The following DLEU7 variants were observed in gnomAD, a reference collection of about 807,000 sequenced individuals.
DLEU7 encodes the protein deleted in lymphocytic leukemia 7.
In DLEU7, 17 loss-of-function variants were observed where a neutral mutation model predicts 16.0. The ratio of observed to expected loss-of-function variants is 1.06; its 90% CI spans 0.73 to 1.59. The LOEUF is 1.59. DLEU7 is among the 40% of genes most tolerant of loss of function. The pLI, the probability that DLEU7 is intolerant of heterozygous loss-of-function variation, is 0.00. For missense variants in DLEU7, 308 were observed against 314.9 expected, an observed-to-expected ratio of 0.98 and a Z score of 0.17; for synonymous variants, 113 against 139.8, an observed-to-expected ratio of 0.81 and a Z score of 1.35.
intron 1 of DLEU7, among the ~76,000 whole-genome samples, chr13:50,717,680 C>CTAA (rs1873478790): frequency 6.6e-6 from 1 of 151,830 alleles, no homozygotes; most frequent in Non-Finnish European, 1.5e-5. Flanking sequence ...ACACCTAGCC[C>CTAA]TAATGCCAAG....
chr13:50,820,052 G>C (rs934800929), downstream of DLEU7, among the ~76,000 whole-genome samples: 1 of 152,108 alleles, frequency 6.6e-6, no homozygotes, highest in Non-Finnish European at 1.5e-5. Context: ...AAACAAATAA[G>C]AAAGTGACTC....
chr13:50,752,312 A>G (rs540059156), intron 1 of DLEU7, among the ~76,000 whole-genome samples: 2 of 151,986 alleles, frequency 1.3e-5, no homozygotes, highest in East Asian at 1.9e-4. Context: ...CGGCCTCCCA[A>G]AGTGCTGGGA....
intron 1 of DLEU7, among the ~76,000 whole-genome samples, chr13:50,746,327 C>T (rs1874393949): frequency 6.6e-6 from 1 of 151,984 alleles, no homozygotes; most frequent in East Asian, 1.9e-4. Flanking sequence ...TCAAGAAATG[C>T]TAAAAAATAA....
Position 50,715,263 on chromosome 13 carries a change from C to T in DLEU7, c.460-2023G>A, listed in dbSNP as rs2137700608. 2.6e-5 allele frequency among the ~76,000 whole-genome samples: 4 copies of T among 152,330 alleles called. No homozygotes were observed. In the Middle Eastern group the frequency reaches 0.014, roughly 518 times the overall value. On this transcript the variant is annotated intron_variant, in intron 1 of 1. Transcript: ENST00000400393. The stretch of plus-strand genomic sequence containing the variant: ...GGATCATGTAATTATTTTGAGCCTA[C>T]CCGATAATCCAGGATAATCCCCTCA...
chr13:50,802,251 C>T (rs912181273), intron 1 of DLEU7, among the ~76,000 whole-genome samples: 3 of 151,556 alleles, frequency 2.0e-5, no homozygotes, highest in Admixed American at 1.3e-4. Flanking sequence ...TCAATAGAAA[C>T]CCAACTGATG....
intron 1 of DLEU7, among the ~76,000 whole-genome samples, chr13:50,717,954 C>G (rs983289008): frequency 1.3e-5 from 2 of 152,158 alleles, no homozygotes; most frequent in African/African-American, 4.8e-5. Flanking sequence ...ATTGACATAG[C>G]TATGGGAAAA....
At chr13:50,715,065 C>G (rs1873401818) in intron 1 of DLEU7, among the ~76,000 whole-genome samples, 2 of 152,102 alleles carry the variant, frequency 1.3e-5, no homozygotes, top group African/African-American at 4.8e-5. Flanking sequence ...ACTGAGGTCC[C>G]TGCTTCCCTG....
chr13:50,831,937 T>A (rs1877282691), intron 1 of DLEU7, among the ~76,000 whole-genome samples: 1 of 152,206 alleles, frequency 6.6e-6, no homozygotes, highest in Non-Finnish European at 1.5e-5. Flanking sequence ...GATATTGGCC[T>A]GAAATTTTCT....
chr13:50,711,781 G>A (rs2137697461), downstream of DLEU7: 1 of 121,536 alleles, frequency 8.2e-6, no homozygotes, highest in Non-Finnish European at 1.7e-5. Flanking sequence ...GCGGGGGCGG[G>A]GGGCATTACT....
intron 1 of DLEU7, among the ~76,000 whole-genome samples, chr13:50,732,194 A>G (rs11841145): frequency 0.11 from 16,355 of 152,230 alleles, 1,322 homozygotes; most frequent in African/African-American, 0.22. Context: ...TATCACAGAA[A>G]ATTTTATCCC....
intron 1 of DLEU7, among the ~76,000 whole-genome samples, chr13:50,747,620 C>T (rs540194820): frequency 9.2e-5 from 14 of 152,110 alleles, no homozygotes; most frequent in Non-Finnish European, 1.3e-4. Context: ...TCCCATTCCG[C>T]CACTCATCTG....
chr13:50,720,228 C>T (rs1211264348), intron 1 of DLEU7, among the ~76,000 whole-genome samples: 2 of 152,150 alleles, frequency 1.3e-5, no homozygotes, highest in Admixed American at 6.5e-5. Flanking sequence ...GGCCAAAGCA[C>T]ATCATGTGGC....
At chr13:50,746,976 T>A (rs549609281) in intron 1 of DLEU7, among the ~76,000 whole-genome samples, 37 of 152,126 alleles carry the variant, frequency 2.4e-4, no homozygotes, top group South Asian at 6.2e-4. Flanking sequence ...CACACATGTA[T>A]AGAGTGAATA....
chr13:50,803,990 TC>T (rs1876320624), intron 1 of DLEU7, among the ~76,000 whole-genome samples: 1 of 152,154 alleles, frequency 6.6e-6, no homozygotes, highest in Admixed American at 6.5e-5. Context: ...AACGTGGAAA[TC>T]TTTGATTCAT....
At chr13:50,800,194 A>C (rs987131921) in intron 1 of DLEU7, among the ~76,000 whole-genome samples, 6 of 152,192 alleles carry the variant, frequency 3.9e-5, no homozygotes, top group African/African-American at 1.4e-4. Context: ...AAAAGAGAAT[A>C]AAAGCTCATG....
chr13:50,795,433 G>A (rs1339165034), intron 1 of DLEU7, among the ~76,000 whole-genome samples: 1 of 152,150 alleles, frequency 6.6e-6, no homozygotes, highest in Non-Finnish European at 1.5e-5. Flanking sequence ...TAGAAATGTA[G>A]CCCCTGACCT....
chr13:50,763,109 G>T (rs1168305201), intron 1 of DLEU7, among the ~76,000 whole-genome samples: 2 of 152,156 alleles, frequency 1.3e-5, no homozygotes, highest in East Asian at 3.9e-4. Context: ...CCAACTGCAC[G>T]CAGAGGGACA....
At chr13:50,839,392 T>C (rs1877575047) in intron 1 of DLEU7, among the ~76,000 whole-genome samples, 1 of 152,246 alleles carries the variant, frequency 6.6e-6, no homozygotes, top group Non-Finnish European at 1.5e-5. Flanking sequence ...AATAGGTGTT[T>C]GCATGTGTAT....
At chr13:50,825,956 C>T (rs948044506) in intron 1 of DLEU7, among the ~76,000 whole-genome samples, 3 of 151,866 alleles carry the variant, frequency 2.0e-5, no homozygotes, top group African/African-American at 7.3e-5. Flanking sequence ...GTGTGCTGCA[C>T]CCATTAACTC....
Sources: gnomAD v4.1 joint callset for allele counts (sites outside exome capture counted in the v4.1 genomes callset) on GRCh38, gnomAD v4.1.1 for gene constraint, MANE v1.5 for transcripts, NCBI Gene and HGNC (gene_info 2026-07-23, HGNC 2026-07-21) for gene names.